The following PITPNM2 variants were observed in gnomAD, a reference collection of about 807,000 sequenced individuals.
PITPNM2 encodes the protein phosphatidylinositol transfer protein membrane associated 2.
PITPNM2 carries 35 observed loss-of-function variants against 132.2 expected under a neutral mutation model. That is an observed-to-expected ratio of 0.26 (90% CI 0.20 to 0.35). The LOEUF (loss-of-function observed/expected upper bound fraction) is 0.35, where lower values mean the gene tolerates loss of function less well. PITPNM2 is among the 10% of genes least tolerant of loss of function. PITPNM2 has a pLI of 1.00. For missense variants in PITPNM2, 1,332 were observed against 1,912.0 expected, an observed-to-expected ratio of 0.70 and a Z score of 5.66; for synonymous variants, 738 against 799.2, an observed-to-expected ratio of 0.92 and a Z score of 1.29.
At chr12:123,125,745 G>A (rs1240840524) in intron 1 of PITPNM2, among the ~76,000 whole-genome samples, 7 of 147,840 alleles carry the variant, frequency 4.7e-5, no homozygotes, top group Non-Finnish European at 8.9e-5. Flanking sequence ...AGGAGGCTGA[G>A]GCAGGAGAAT....
chr12:123,028,426 A>C (rs1302370747), intron 3 of PITPNM2, among the ~76,000 whole-genome samples: 1 of 152,162 alleles, frequency 6.6e-6, no homozygotes, highest in Non-Finnish European at 1.5e-5. Context: ...AGGTCTTCTT[A>C]TTATTCTTTC....
rs774473740 is a variant in PITPNM2, at chr12:122,997,465, G to A, written c.1332C>T (p.Ser444=). ...ILDTGAGDPS[S]KKGDANTIAN... ...CGATGGTGTTAGCATCGCCCTTCTTGGAGCTGGGGTCCCCGGCGCCTGTGT... is the reference window on the plus strand; with the variant it reads ...CGATGGTGTTAGCATCGCCCTTCTTAGAGCTGGGGTCCCCGGCGCCTGTGT... Residue 444 remains serine, a synonymous_variant, in exon 11 of 26, where the codon TCC becomes TCT. Transcript: ENST00000320201. 1.9e-6 allele frequency: 3 copies of A among 1,613,574 alleles called. No individual in the cohort carries two copies. In the African/African-American group the frequency reaches 4.0e-5, roughly 21 times the overall value.
chr12:122,997,255 C>T, intron 11 of PITPNM2, 70 bp downstream of exon 11: 2 of 1,594,154 alleles, frequency 1.3e-6, no homozygotes, highest in Non-Finnish European at 8.6e-7. Flanking sequence ...TGGGGAGCCA[C>T]CTGAGGCCCA....
intron 1 of PITPNM2, among the ~76,000 whole-genome samples, chr12:123,141,556 C>T (rs956479634): frequency 4.6e-5 from 7 of 152,132 alleles, no homozygotes; most frequent in African/African-American, 1.7e-4. Flanking sequence ...GAAAGAAGAG[C>T]AGCCGTCTCC....
rs369062689 is a variant in PITPNM2 at position 122,997,344 on chromosome 12, C to T, written c.1453G>A (p.Ala485Thr). ...LVPCPPVCSD[A>T]FALVSNLSPY... ...ACTCACTTGGAGACCAGGGCAAAGG[C>T]GTCAGAGCAGACGGGCGGGCAGGGC... The change falls in exon 11 of 26, where the codon GCC becomes ACC. Residue 485 changes from alanine to threonine, a missense_variant. By Grantham distance (58) the Ala-to-Thr change is moderately conservative. This residue lies in a region of PITPNM2 where 710 missense variants were observed against 911.5 expected (regional missense o/e 0.78). Coordinates refer to ENST00000320201, the MANE Select transcript of PITPNM2 (RefSeq NM_020845.3). The T allele has an allele frequency of 9.9e-6, 16 of 1,613,008 alleles. No individual in the cohort carries two copies. The highest frequency in any genetic ancestry group is 1.7e-4 in the Middle Eastern group (1 of 5,950).
chr12:122,983,532 GCA>G lies in PITPNM2; in HGVS notation c.*2493_*2494del. On this transcript the variant is annotated 3_prime_UTR_variant, in exon 26 of 26. Transcript: ENST00000320201. Reference sequence around the variant, plus strand: ...TAACAGACATGACGTTGTATACAGAGCACACTCAGGCCCAATGATGCGGGGAC... The same window carrying G: ...TAACAGACATGACGTTGTATACAGAGCACTCAGGCCCAATGATGCGGGGAC... The G allele has an allele frequency of 6.5e-6, 1 of 152,822 alleles. No individual in the cohort carries two copies. Among genetic ancestry groups the G allele is most frequent in the Admixed American group, 6.5e-5 (1 of 15,304 alleles). The allele number at this position is 152,822 out of a possible 1,614,324, so 9.5% of individuals were successfully genotyped here. A position where few individuals can be genotyped will look rare whatever the true frequency, so the allele number is the denominator to read the frequency against.
intron 1 of PITPNM2, among the ~76,000 whole-genome samples, chr12:123,147,210 C>T (rs1186836840): frequency 6.6e-6 from 1 of 152,228 alleles, no homozygotes; most frequent in African/African-American, 2.4e-5. Context: ...GGCATCTCCT[C>T]CTCTGAACTC....
chr12:123,011,844 C>T (rs2039218366), intron 5 of PITPNM2, among the ~76,000 whole-genome samples: 1 of 152,190 alleles, frequency 6.6e-6, no homozygotes, highest in Non-Finnish European at 1.5e-5. Context: ...GCCTCCAGAG[C>T]CCCGAGAGAA....
intron 2 of PITPNM2, among the ~76,000 whole-genome samples, chr12:123,038,419 A>T (rs1442309334): frequency 1.3e-5 from 2 of 152,196 alleles, no homozygotes; most frequent in Admixed American, 6.5e-5. Flanking sequence ...GACCTCCTGG[A>T]AAAGCCCCTG....
intron 2 of PITPNM2, among the ~76,000 whole-genome samples, chr12:123,042,497 G>A (rs985912050): frequency 2.6e-5 from 4 of 152,276 alleles, no homozygotes; most frequent in African/African-American, 9.6e-5. Flanking sequence ...AGGGGGGATG[G>A]AATCCATCCC....
intron 2 of PITPNM2, chr12:123,089,381 G>A (rs1280417329): frequency 1.3e-5 from 2 of 152,170 alleles, no homozygotes; most frequent in African/African-American, 4.8e-5. Context: ...CTGATAGAAA[G>A]CTCTGGGTCA....
At chr12:123,053,893 T>C (rs2040939686) in intron 2 of PITPNM2, among the ~76,000 whole-genome samples, 1 of 152,178 alleles carries the variant, frequency 6.6e-6, no homozygotes, top group African/African-American at 2.4e-5. Context: ...GATATTGACA[T>C]TGATACACTC....
chr12:123,094,816 TCCTGGCTCTGACCC>T (rs2042364840), intron 2 of PITPNM2, among the ~76,000 whole-genome samples: 1 of 152,128 alleles, frequency 6.6e-6, no homozygotes, highest in African/African-American at 2.4e-5. Context: ...CTGACCGACC[TCCTGGCTCTGACCC>T]CACGTCTGAC....
chr12:123,073,381 C>T (rs898375288), intron 2 of PITPNM2, among the ~76,000 whole-genome samples: 1 of 152,180 alleles, frequency 6.6e-6, no homozygotes, highest in African/African-American at 2.4e-5. Context: ...CACTCCTGAC[C>T]CATTGAAGAG....
intron 2 of PITPNM2, among the ~76,000 whole-genome samples, chr12:123,109,045 G>A (rs896848244): frequency 6.6e-6 from 1 of 152,170 alleles, no homozygotes; most frequent in Non-Finnish European, 1.5e-5. Context: ...GGCTTCCTGT[G>A]TAAAAAGGGA....
intron 3 of PITPNM2, among the ~76,000 whole-genome samples, chr12:123,021,980 T>A (rs183453046): frequency 6.6e-6 from 1 of 152,192 alleles, no homozygotes; most frequent in Admixed American, 6.5e-5. Flanking sequence ...CATCCCAGGA[T>A]GCCACGCCCT....
intron 2 of PITPNM2, among the ~76,000 whole-genome samples, chr12:123,068,484 A>C (rs971116859): frequency 3.3e-5 from 5 of 149,594 alleles, no homozygotes; most frequent in Admixed American, 2.0e-4. Context: ...TAAATAAATA[A>C]ATAAATAAAT....
intron 1 of PITPNM2, among the ~76,000 whole-genome samples, chr12:123,126,732 G>A (rs902451544): frequency 2.0e-5 from 3 of 151,994 alleles, no homozygotes; most frequent in African/African-American, 7.2e-5. Flanking sequence ...GCTTCATCAT[G>A]GTAGCCCCAG....
At chr12:123,029,641 A>ATGTGTG (rs10532248) in intron 3 of PITPNM2, among the ~76,000 whole-genome samples, 1 of 151,168 alleles carries the variant, frequency 6.6e-6, no homozygotes, top group African/African-American at 2.4e-5. Flanking sequence ...CTTGTGGTGT[A>ATGTGTG]TGTGTGTGTG....
Sources: gnomAD v4.1 joint callset for allele counts (sites outside exome capture counted in the v4.1 genomes callset) on GRCh38, gnomAD v4.1.1 for gene constraint, gnomAD v4.1.1 regional missense constraint, MANE v1.5 for transcripts, NCBI Gene and HGNC (gene_info 2026-07-23, HGNC 2026-07-21) for gene names.